The following MSI2 variants were observed in gnomAD, a reference collection of about 807,000 sequenced individuals.
The protein encoded by MSI2 is musashi RNA binding protein 2.
A neutral mutation model predicts 45.6 loss-of-function variants in MSI2; 17 were observed. That is an observed-to-expected ratio of 0.37 (90% CI 0.26 to 0.56). The LOEUF is 0.56. Among genes scored for constraint, MSI2 ranks in the 20% least tolerant of loss-of-function variants. The probability of loss-of-function intolerance (pLI) is 0.77; values close to 1 mark genes in which losing one functional copy is unlikely to be tolerated. For missense variants in MSI2, 293 were observed against 444.2 expected, an observed-to-expected ratio of 0.66 and a Z score of 3.06; for synonymous variants, 156 against 158.2, an observed-to-expected ratio of 0.99 and a Z score of 0.11.
chr17:57,533,736 G>A (rs1195630680), intron 7 of MSI2, among the ~76,000 whole-genome samples: 1 of 152,182 alleles, frequency 6.6e-6, no homozygotes, highest in African/African-American at 2.4e-5. Flanking sequence ...TCTGTAATGG[G>A]GTGGTTCTTC....
At chr17:57,452,392 G>A (rs1783277995) in intron 6 of MSI2, among the ~76,000 whole-genome samples, 1 of 152,250 alleles carries the variant, frequency 6.6e-6, no homozygotes, top group Non-Finnish European at 1.5e-5. Context: ...AGGCCACCTT[G>A]CCTGCAAGCA....
At chr17:57,498,413 C>T (rs946163549) in intron 6 of MSI2, among the ~76,000 whole-genome samples, 4 of 152,250 alleles carry the variant, frequency 2.6e-5, no homozygotes, top group African/African-American at 9.6e-5. Flanking sequence ...TCAATTTGCT[C>T]CCAGGAACTG....
Position 57,529,884 on chromosome 17 carries a change from G to A in MSI2, c.454+160G>A, listed in dbSNP as rs1016736430. Among the ~76,000 whole-genome samples the A allele has an allele frequency of 8.5e-5, 13 of 152,118 alleles. No individual in the cohort carries two copies. The highest frequency in any genetic ancestry group is 1.5e-5 in the Non-Finnish European group (1 of 68,038). Reference sequence around the variant, plus strand: ...TCTTTATTCACGGAGAGTCCCAGTAGCACAAAGAGTTCCAGTACTGGATAG... The same window carrying A: ...TCTTTATTCACGGAGAGTCCCAGTAACACAAAGAGTTCCAGTACTGGATAG... On this transcript the variant is annotated intron_variant, in intron 7 of 13. Transcript: ENST00000284073. This position sits in a 1 kb window ranked among gnomAD's most constrained non-coding sequence, Gnocchi z 5.3.
intron 6 of MSI2, among the ~76,000 whole-genome samples, chr17:57,488,642 G>A (rs534444969): frequency 3.3e-5 from 5 of 152,238 alleles, no homozygotes; most frequent in Admixed American, 6.5e-5. Context: ...GGCTAATATG[G>A]TGAAACCCCA....
intron 5 of MSI2, among the ~76,000 whole-genome samples, chr17:57,277,177 T>A (rs1227288141): frequency 6.6e-6 from 1 of 151,290 alleles, no homozygotes; most frequent in Non-Finnish European, 1.5e-5. Flanking sequence ...TGCCTCAGTC[T>A]CCCAAGTAGC....
At chr17:57,563,663 A>G (rs2087644101) in intron 7 of MSI2, among the ~76,000 whole-genome samples, 2 of 151,054 alleles carry the variant, frequency 1.3e-5, no homozygotes, top group African/African-American at 4.9e-5. Flanking sequence ...CATACCCATA[A>G]TGGCCCCATT....
intron 6 of MSI2, among the ~76,000 whole-genome samples, chr17:57,506,330 G>A (rs1402029177): frequency 3.3e-5 from 5 of 152,174 alleles, no homozygotes; most frequent in Non-Finnish European, 5.9e-5. Flanking sequence ...TAAAGGACTC[G>A]GGGAAAACCT....
rs561294733 is a variant in MSI2, at chr17:57,310,097, T to G, written c.312+47905T>G. Among the ~76,000 whole-genome samples the G allele has an allele frequency of 1.1e-4, 16 of 152,336 alleles. No homozygotes were observed. In the East Asian group the frequency reaches 2.9e-3, roughly 28 times the overall value. On this transcript the variant is annotated intron_variant, in intron 5 of 13. Coordinates refer to ENST00000284073, the MANE Select transcript of MSI2 (RefSeq NM_138962.4). ...GGCAGAGGGCAAGTCAAGCCCTTTC[T>G]GGTACTGTATTCTCCCTCTTTCCGG...
At chr17:57,446,467 C>T (rs1340669154) in intron 6 of MSI2, among the ~76,000 whole-genome samples, 2 of 152,176 alleles carry the variant, frequency 1.3e-5, no homozygotes, top group Admixed American at 6.5e-5. Flanking sequence ...ATGTTCTGTC[C>T]CTGCACAGCT....
At chr17:57,534,705 A>C (rs1031454198) in intron 7 of MSI2, among the ~76,000 whole-genome samples, 1 of 152,164 alleles carries the variant, frequency 6.6e-6, no homozygotes, top group African/African-American at 2.4e-5. Flanking sequence ...ACAAGAGTGA[A>C]ACTCCGTCTC....
intron 5 of MSI2, among the ~76,000 whole-genome samples, chr17:57,364,087 G>A (rs1598172858): frequency 6.6e-6 from 1 of 152,194 alleles, no homozygotes; most frequent in South Asian, 2.1e-4. Context: ...GTTGCTTTAT[G>A]TGATAATTAT....
chr17:57,591,118 T>G (rs1279373633), intron 7 of MSI2, among the ~76,000 whole-genome samples: 2 of 152,158 alleles, frequency 1.3e-5, no homozygotes, highest in Admixed American at 1.3e-4. Context: ...CTGGGGCACA[T>G]AGCTTGTTAT....
At chr17:57,273,962 A>G (rs758560057) in intron 5 of MSI2, among the ~76,000 whole-genome samples, 3 of 152,220 alleles carry the variant, frequency 2.0e-5, no homozygotes, top group Non-Finnish European at 4.4e-5. Flanking sequence ...TTTGAACTCA[A>G]GCATCCTCAA....
intron 6 of MSI2, among the ~76,000 whole-genome samples, chr17:57,446,139 A>G (rs2084896081): frequency 6.6e-6 from 1 of 152,036 alleles, no homozygotes; most frequent in Non-Finnish European, 1.5e-5. Flanking sequence ...CTGCAGAGGG[A>G]CTGGGGAGTG....
At chr17:57,506,188 G>A (rs1193085486) in intron 6 of MSI2, among the ~76,000 whole-genome samples, 2 of 152,206 alleles carry the variant, frequency 1.3e-5, no homozygotes, top group East Asian at 3.9e-4. Context: ...GGACCCTGAT[G>A]GGCCAATTAG....
At chr17:57,292,658 T>G (rs1041688470) in intron 5 of MSI2, among the ~76,000 whole-genome samples, 5 of 152,186 alleles carry the variant, frequency 3.3e-5, no homozygotes, top group Non-Finnish European at 7.3e-5. Flanking sequence ...CAAAGGATGC[T>G]GAGGCCTGGA....
rs1239195892 is a variant in MSI2 at position 57,377,516 on chromosome 17, C to G, written c.313-23863C>G. Among the ~76,000 whole-genome samples, 6 of 152,220 alleles carry G rather than the reference C, an allele frequency of 3.9e-5. No individual in the cohort carries two copies. The East Asian group carries it at 1.2e-3, about 29-fold the overall frequency. The stretch of plus-strand genomic sequence containing the variant: ...GCAAGTGTTTTTGGAAGGGAGGCCT[C>G]CTGTGCTTAGAGCTTCATGCCCCTT... On this transcript the variant is annotated intron_variant, in intron 5 of 13. Coordinates refer to ENST00000284073, the MANE Select transcript of MSI2 (RefSeq NM_138962.4).
At chr17:57,585,464 T>A (rs2088320609) in intron 7 of MSI2, among the ~76,000 whole-genome samples, 1 of 152,142 alleles carries the variant, frequency 6.6e-6, no homozygotes, top group African/African-American at 2.4e-5. Flanking sequence ...TCAGAGTGGT[T>A]GAATAACCTG....
intron 10 of MSI2, among the ~76,000 whole-genome samples, chr17:57,648,997 C>A (rs941647249): frequency 6.6e-6 from 1 of 152,184 alleles, no homozygotes; most frequent in South Asian, 2.1e-4. Flanking sequence ...GGTCCTCAGG[C>A]CCCTCCTGTG....
Sources: allele counts gnomAD v4.1 joint callset (sites outside exome capture counted in the v4.1 genomes callset), GRCh38; gene constraint gnomAD v4.1.1; non-coding constraint Gnocchi (gnomAD v3.1); transcripts MANE v1.5; gene names NCBI Gene and HGNC (gene_info 2026-07-23, HGNC 2026-07-21).